The following CDC42BPB variants were observed in gnomAD, a reference collection of about 807,000 sequenced individuals.
The protein encoded by CDC42BPB is serine/threonine-protein kinase MRCK beta.
Under a neutral mutation model 214.9 loss-of-function variants are expected in CDC42BPB, and 37 were observed. The observed-to-expected ratio is 0.17, with a 90% CI of 0.13 to 0.23. The LOEUF (loss-of-function observed/expected upper bound fraction) is 0.23, where lower values mean the gene tolerates loss of function less well. Ranked by LOEUF, CDC42BPB falls within the 10% of genes least tolerant of loss-of-function variation. The pLI, the probability that CDC42BPB is intolerant of heterozygous loss-of-function variation, is 1.00. For missense variants in CDC42BPB, 1,694 were observed against 2,227.0 expected, an observed-to-expected ratio of 0.76 and a Z score of 4.82; for synonymous variants, 931 against 884.0, an observed-to-expected ratio of 1.05 and a Z score of -0.94.
intron 14 of CDC42BPB, 150 bp downstream of exon 14, chr14:102,970,001 C>T: frequency 5.2e-6 from 3 of 573,598 alleles, no homozygotes; most frequent in South Asian, 5.3e-5. Flanking sequence ...GGGTCACACC[C>T]CCCACCTCTC....
chr14:102,963,829 ATTTT>A (rs1321480978), intron 19 of CDC42BPB, among the ~76,000 whole-genome samples: 5 of 152,200 alleles, frequency 3.3e-5, no homozygotes, highest in Non-Finnish European at 7.3e-5. Context: ...ATTACCATTA[ATTTT>A]TTAGCCCCAA....
chr14:103,045,015 T>C (rs1315501004), intron 1 of CDC42BPB, among the ~76,000 whole-genome samples: 2 of 149,278 alleles, frequency 1.3e-5, no homozygotes, highest in African/African-American at 4.9e-5. Flanking sequence ...GCCTGGCCAA[T>C]ATAGGGAGAC....
intron 1 of CDC42BPB, among the ~76,000 whole-genome samples, chr14:103,043,158 C>T (rs552704112): frequency 1.7e-3 from 254 of 152,192 alleles, no homozygotes; most frequent in Non-Finnish European, 2.9e-3. Context: ...GCAGGAGAAT[C>T]GCTTGAACCC....
At chr14:102,946,237 A>C (rs35870729) in intron 28 of CDC42BPB, among the ~76,000 whole-genome samples, 42 of 151,544 alleles carry the variant, frequency 2.8e-4, no homozygotes, top group Non-Finnish European at 3.8e-4. Flanking sequence ...GTTAGCCAGG[A>C]TGGTCTCAAC....
rs34126680 is a variant in CDC42BPB at position 102,988,871 on chromosome 14, C to CAAA, written c.597-2294_597-2292dup. Among the ~76,000 whole-genome samples, 445 of 116,756 alleles carry CAAA rather than the reference C, an allele frequency of 3.8e-3. 2 individuals are homozygous for CAAA. Among genetic ancestry groups the CAAA allele is most frequent in the African/African-American group, 0.011 (347 of 31,104 alleles). 76.6% of individuals were successfully genotyped at this position (116,756 alleles called of 152,430 possible). ...AACAAAACAAAACAACCCCCCCTTC[C>CAAA]AAAAAAAAAAAAAAAACAAACAAAC... On this transcript the variant is annotated intron_variant, in intron 5 of 36. Transcript: ENST00000361246.
rs1423604188 is a variant in CDC42BPB at position 102,983,636 on chromosome 14, T to C, written c.811A>G (p.Met271Val). ...GTTTCTCCATAGAGCATCTCATACATGCAGACACCCAGAGACCACCAGTCA... is the reference window on the plus strand; with the variant it reads ...GTTTCTCCATAGAGCATCTCATACACGCAGACACCCAGAGACCACCAGTCA... Reference protein sequence around the residue: ...ECDWWSLGVCMYEMLYGETPF... With the variant: ...ECDWWSLGVCVYEMLYGETPF... The change falls in exon 7 of 37, where the codon ATG becomes GTG. Residue 271 changes from methionine to valine, a missense_variant. Met to Val is a conservative substitution (Grantham distance 21, BLOSUM62 1). This residue lies in a region of CDC42BPB where 225 missense variants were observed against 459.3 expected (regional missense o/e 0.49). Coordinates refer to ENST00000361246, the MANE Select transcript of CDC42BPB (RefSeq NM_006035.4). 13 of 1,613,582 alleles carry C rather than the reference T, an allele frequency of 8.1e-6. No homozygotes were observed. Among genetic ancestry groups the C allele is most frequent in the Admixed American group, 3.3e-5 (2 of 59,988 alleles).
At chr14:102,962,146 A>G (rs1217988321) in intron 20 of CDC42BPB, among the ~76,000 whole-genome samples, 1 of 152,202 alleles carries the variant, frequency 6.6e-6, no homozygotes, top group Non-Finnish European at 1.5e-5. Flanking sequence ...CAAAAATCCA[A>G]AAGTCTGAAA....
intron 36 of CDC42BPB, 99 bp downstream of exon 36, chr14:102,938,005 A>G: frequency 1.5e-6 from 2 of 1,305,362 alleles, no homozygotes; most frequent in Non-Finnish European, 2.2e-6. Flanking sequence ...GGGTGCTCCA[A>G]AAGGGCTGTG....
intron 5 of CDC42BPB, among the ~76,000 whole-genome samples, chr14:102,989,103 A>T (rs1261405666): frequency 6.6e-6 from 1 of 152,202 alleles, no homozygotes; most frequent in Non-Finnish European, 1.5e-5. Flanking sequence ...AATCCATAAT[A>T]AAAGGGTAAA....
chr14:103,051,020 A>G (rs1316296717), intron 1 of CDC42BPB, among the ~76,000 whole-genome samples: 1 of 152,122 alleles, frequency 6.6e-6, no homozygotes, highest in Admixed American at 6.6e-5. Flanking sequence ...AGTTTTAATC[A>G]AAAAACAATT....
intron 12 of CDC42BPB, 136 bp downstream of exon 12, chr14:102,973,880 C>T (rs1395177988): frequency 8.8e-7 from 1 of 1,141,858 alleles, no homozygotes; most frequent in Admixed American, 2.8e-5. Context: ...CCAGGCTTGG[C>T]CCTGGCGTCC....
chr14:102,980,383 C>T (rs1893944340), intron 8 of CDC42BPB, among the ~76,000 whole-genome samples: 1 of 152,096 alleles, frequency 6.6e-6, no homozygotes, highest in African/African-American at 2.4e-5. Flanking sequence ...ATCTCAGCTA[C>T]TCGGGAGGCT....
rs1053897298 is a variant in CDC42BPB at position 102,933,056 on chromosome 14, T to C, written c.*656A>G. 6.6e-6 allele frequency: 1 copy of C among 152,440 alleles called. No homozygotes were observed. Among genetic ancestry groups the C allele is most frequent in the Non-Finnish European group, 1.5e-5 (1 of 68,052 alleles). The allele number at this position is 152,440 out of a possible 1,614,324, so 9.4% of individuals were successfully genotyped here. ...GCGAATGGAAAACAGCACAGCTGACTTCACAGTAGTAGATACTGGTGACAC... is the reference window on the plus strand; with the variant it reads ...GCGAATGGAAAACAGCACAGCTGACCTCACAGTAGTAGATACTGGTGACAC... On this transcript the variant is annotated 3_prime_UTR_variant, in exon 37 of 37. Transcript: ENST00000361246.
chr14:103,041,453 G>C (rs1887987242), intron 1 of CDC42BPB: 1 of 982,818 alleles, frequency 1.0e-6, no homozygotes, highest in Non-Finnish European at 1.5e-6. Context: ...CTGCACAGAA[G>C]GGGCTCTAGG....
chr14:103,016,550 T>G (rs1305621010), intron 1 of CDC42BPB, among the ~76,000 whole-genome samples: 1 of 150,624 alleles, frequency 6.6e-6, no homozygotes, highest in Non-Finnish European at 1.5e-5. Context: ...GGGAACCAGG[T>G]GAGGGGAGGG....
chr14:103,051,434 A>C (rs1039735885), intron 1 of CDC42BPB, among the ~76,000 whole-genome samples: 1 of 152,130 alleles, frequency 6.6e-6, no homozygotes, highest in Non-Finnish European at 1.5e-5. Context: ...GCTAAAAAAA[A>C]AAAAAAAAAA....
intron 9 of CDC42BPB, among the ~76,000 whole-genome samples, chr14:102,976,564 C>T (rs1010785407): frequency 4.6e-5 from 7 of 152,372 alleles, no homozygotes; most frequent in Non-Finnish European, 1.0e-4. Flanking sequence ...ACGCACACAG[C>T]CGAGGCACAG....
At chr14:102,986,408 T>C in intron 6 of CDC42BPB, 79 bp downstream of exon 6, 1 of 876,394 alleles carries the variant, frequency 1.1e-6, no homozygotes, top group Non-Finnish European at 1.8e-6. Context: ...TTCTTAATTG[T>C]ACCTCAAATT....
intron 1 of CDC42BPB, among the ~76,000 whole-genome samples, chr14:103,044,811 T>C (rs1888203193): frequency 6.6e-6 from 1 of 151,222 alleles, no homozygotes; most frequent in African/African-American, 2.4e-5. Flanking sequence ...GTGCCCGGCC[T>C]CCAAAATTAA....
Sources: allele counts gnomAD v4.1 joint callset (sites outside exome capture counted in the v4.1 genomes callset), GRCh38; gene constraint gnomAD v4.1.1; regional missense constraint gnomAD v4.1.1; transcripts MANE v1.5; gene names NCBI Gene and HGNC (gene_info 2026-07-23, HGNC 2026-07-21).